Variants in KCNN2 observed in about 807,000 individuals in gnomAD.
The protein encoded by KCNN2 is potassium calcium-activated channel subfamily N member 2.
KCNN2 carries 24 observed loss-of-function variants against 55.5 expected under a neutral mutation model. The ratio of observed to expected loss-of-function variants is 0.43; its 90% CI spans 0.31 to 0.61. KCNN2 has a LOEUF of 0.61. Ranked by LOEUF, KCNN2 falls within the 20% of genes least tolerant of loss-of-function variation. KCNN2 has a pLI of 0.08. For synonymous variants in KCNN2, 431 were observed against 336.1 expected (o/e 1.28, Z -3.09); for missense variants, 754 against 853.6 (o/e 0.88, Z 1.45).
At chr5:114,408,410 G>GT (rs1387204792) in intron 3 of KCNN2, among the ~76,000 whole-genome samples, 1 of 151,890 alleles carries the variant, frequency 6.6e-6, no homozygotes, top group Non-Finnish European at 1.5e-5. Flanking sequence ...GTCTCTGAAC[G>GT]TTTTTTTAGA....
At position 114,362,556 on chromosome 5, in the gene KCNN2, C is replaced by G. The variant is rs900455649; in HGVS notation, c.417C>G (p.Leu139=). The G allele has an allele frequency of 1.3e-5, 8 of 612,700 alleles. No homozygotes were observed. Among genetic ancestry groups the G allele is most frequent in the African/African-American group, 7.9e-5 (4 of 50,686 alleles). The allele number at this position is 612,700 out of a possible 1,614,324, so 38.0% of individuals were successfully genotyped here. A position where few individuals can be genotyped will look rare whatever the true frequency, so the allele number is the denominator to read the frequency against. The part of the protein sequence containing the change: ...ELTPSSHASA[L]RQQYAQQSAQ... ...CGCCGTCCAGCCATGCCAGTGCGCT[C>G]CGGCAGCAGTACGCGCAGCAGTCCG... Residue 139 remains leucine, a synonymous_variant, in exon 1 of 8, where the codon CTC becomes CTG. Coordinates refer to ENST00000673685, the MANE Select transcript of KCNN2 (RefSeq NM_021614.4).
At chr5:114,338,380 T>A (rs901157325) in intron 2 of KCNN2, among the ~76,000 whole-genome samples, 6 of 152,142 alleles carry the variant, frequency 3.9e-5, no homozygotes, top group African/African-American at 1.4e-4. Context: ...CATGTAAAAG[T>A]TTTTGAATAT....
intron 2 of KCNN2, among the ~76,000 whole-genome samples, chr5:114,289,936 A>AT (rs1755846895): frequency 6.6e-6 from 1 of 152,194 alleles, no homozygotes. Context: ...TGTAAATAGA[A>AT]TTATTTTTCA....
At chr5:114,465,240 C>CAGAT (rs1379473728) in intron 4 of KCNN2, among the ~76,000 whole-genome samples, 5 of 152,186 alleles carry the variant, frequency 3.3e-5, no homozygotes, top group Non-Finnish European at 5.9e-5. Context: ...AAAGTCTCAT[C>CAGAT]AGATAGTACA....
chr5:114,375,952 GTA>G (rs6149186), intron 2 of KCNN2, among the ~76,000 whole-genome samples: 13,882 of 104,612 alleles, frequency 0.13, 1,293 homozygotes, highest in African/African-American at 0.22. Flanking sequence ...GACTCACAGT[GTA>G]TATATATATA....
chr5:114,152,825 G>T (rs996550925), intron 1 of KCNN2, among the ~76,000 whole-genome samples: 6 of 152,186 alleles, frequency 3.9e-5, no homozygotes, highest in Middle Eastern at 6.8e-3. Flanking sequence ...AAAGGCATAT[G>T]GTGGGCGGGA....
At chr5:114,114,574 C>T (rs976899044) in intron 1 of KCNN2, among the ~76,000 whole-genome samples, 9 of 151,996 alleles carry the variant, frequency 5.9e-5, no homozygotes, top group Non-Finnish European at 1.0e-4. Context: ...TCTAGGGATG[C>T]AGCTGAGAAA....
chr5:114,405,082 T>C (rs532728589), intron 3 of KCNN2, among the ~76,000 whole-genome samples: 1 of 152,190 alleles, frequency 6.6e-6, no homozygotes, highest in Non-Finnish European at 1.5e-5. Flanking sequence ...CAGTTTTCAG[T>C]AGAGGGCTGC....
At chr5:114,349,713 A>T (rs1004124539) in intron 2 of KCNN2, among the ~76,000 whole-genome samples, 1 of 152,040 alleles carries the variant, frequency 6.6e-6, no homozygotes, top group African/African-American at 2.4e-5. Context: ...TGCAGGGAAC[A>T]TTCATGTAAA....
chr5:114,175,402 C>T (rs1753114944), intron 1 of KCNN2, among the ~76,000 whole-genome samples: 1 of 152,132 alleles, frequency 6.6e-6, no homozygotes, highest in Non-Finnish European at 1.5e-5. Flanking sequence ...ATAATGTACT[C>T]ATAAATTTCT....
At chr5:114,072,989 G>A (rs976554179) in intron 1 of KCNN2, among the ~76,000 whole-genome samples, 2 of 152,110 alleles carry the variant, frequency 1.3e-5, no homozygotes, top group Non-Finnish European at 2.9e-5. Context: ...TAGTGACTGT[G>A]GATTACTCTA....
chr5:114,357,092 C>T (rs932543674), upstream of KCNN2, among the ~76,000 whole-genome samples: 1 of 151,920 alleles, frequency 6.6e-6, no homozygotes, highest in Non-Finnish European at 1.5e-5. Flanking sequence ...TTCAGACCAC[C>T]CCAATATGGG....
intron 3 of KCNN2, among the ~76,000 whole-genome samples, chr5:114,447,819 C>A (rs754314116): frequency 2.0e-5 from 3 of 152,192 alleles, no homozygotes; most frequent in South Asian, 2.1e-4. Context: ...ACGAAGGGTG[C>A]GCTTTTTCCT....
At chr5:114,215,474 T>TAACA (rs1753983403) in intron 1 of KCNN2, among the ~76,000 whole-genome samples, 1 of 152,146 alleles carries the variant, frequency 6.6e-6, no homozygotes, top group African/African-American at 2.4e-5. Context: ...GTTTGTGGAC[T>TAACA]AACACTCTAA....
chr5:114,375,559 A>C (rs1580763766), intron 2 of KCNN2, among the ~76,000 whole-genome samples: 1 of 152,156 alleles, frequency 6.6e-6, no homozygotes, highest in African/African-American at 2.4e-5. Context: ...GAATACCTGA[A>C]GATATATTTA....
chr5:114,143,726 G>A (rs1397114932), intron 1 of KCNN2, among the ~76,000 whole-genome samples: 1 of 152,124 alleles, frequency 6.6e-6, no homozygotes, highest in Non-Finnish European at 1.5e-5. Flanking sequence ...GTCCAGCCTG[G>A]CATTGTCTTT....
chr5:114,330,159 G>A (rs530518559), intron 2 of KCNN2, among the ~76,000 whole-genome samples: 1 of 152,258 alleles, frequency 6.6e-6, no homozygotes, highest in East Asian at 1.9e-4. Context: ...CTGAAATGGA[G>A]GTGAGTTCCA....
rs568097005 is a variant in KCNN2, at chr5:114,238,118, C to A, written c.-185+16553C>A. Among the ~76,000 whole-genome samples, 3 of 152,314 alleles carry A rather than the reference C, an allele frequency of 2.0e-5. No homozygotes were observed. In the South Asian group the frequency reaches 6.2e-4, roughly 32 times the overall value. On this transcript the variant is annotated intron_variant, in intron 2 of 10. Transcript: ENST00000512097. ...TAGCATTTGTACCAAGTGCAGGAAA[C>A]ATAATTCACATGCAGAAGGGCAGAG...
At chr5:114,085,745 G>C (rs975088622) in intron 1 of KCNN2, among the ~76,000 whole-genome samples, 3 of 151,832 alleles carry the variant, frequency 2.0e-5, no homozygotes, top group African/African-American at 7.3e-5. Context: ...AAGTCAATTG[G>C]GTAATTTTGG....
Sources: gnomAD v4.1 joint callset for allele counts (sites outside exome capture counted in the v4.1 genomes callset) on GRCh38, gnomAD v4.1.1 for gene constraint, MANE v1.5 for transcripts, NCBI Gene and HGNC (gene_info 2026-07-23, HGNC 2026-07-21) for gene names.